The following PCDH15 variants were observed in gnomAD, a reference collection of about 807,000 sequenced individuals.
The protein encoded by PCDH15 is protocadherin-15.
PCDH15 carries 129 observed loss-of-function variants against 178.5 expected under a neutral mutation model. The ratio of observed to expected loss-of-function variants is 0.72; its 90% CI spans 0.63 to 0.84. The LOEUF (loss-of-function observed/expected upper bound fraction) is 0.84. Among genes scored for constraint, PCDH15 ranks in the 40% least tolerant of loss-of-function variants. PCDH15 has a pLI of 0.00. For synonymous variants in PCDH15, 800 were observed against 732.0 expected, an observed-to-expected ratio of 1.09 and a Z score of -1.50; for missense variants, 2,230 against 2,099.9, an observed-to-expected ratio of 1.06 and a Z score of -1.21.
chr10:53,878,423 AAT>A (rs555759219), intron 26 of PCDH15, among the ~76,000 whole-genome samples: 7 of 77,596 alleles, frequency 9.0e-5, no homozygotes, highest in South Asian at 5.0e-4. Flanking sequence ...ACACACGTTG[AAT>A]ATATATATAT....
chr10:55,233,820 T>C (rs1841297915), intron 1 of PCDH15, among the ~76,000 whole-genome samples: 3 of 152,080 alleles, frequency 2.0e-5, no homozygotes, highest in Non-Finnish European at 2.9e-5. Flanking sequence ...AGAAACAATA[T>C]ACTATAGTGC....
chr10:54,678,981 G>C (rs1185915130), intron 1 of PCDH15, among the ~76,000 whole-genome samples: 1 of 151,992 alleles, frequency 6.6e-6, no homozygotes, highest in East Asian at 1.9e-4. Context: ...ACGAGGTCAG[G>C]AGATCGAGAC....
chr10:54,937,432 TCTC>T (rs1440060951), intron 2 of PCDH15, among the ~76,000 whole-genome samples: 4 of 151,996 alleles, frequency 2.6e-5, no homozygotes, highest in African/African-American at 7.2e-5. Flanking sequence ...TGATATTAAA[TCTC>T]CTAATCCCTG....
chr10:54,279,883 T>C (rs769179633), intron 8 of PCDH15, among the ~76,000 whole-genome samples: 1 of 151,652 alleles, frequency 6.6e-6, no homozygotes, highest in African/African-American at 2.4e-5. Context: ...GGAGAAAAAA[T>C]AAATGTAGGA....
intron 3 of PCDH15, among the ~76,000 whole-genome samples, chr10:54,824,759 A>T (rs1953098329): frequency 1.3e-5 from 2 of 152,132 alleles, no homozygotes; most frequent in African/African-American, 4.8e-5. Flanking sequence ...ATGCATAGGG[A>T]GGAAATAGAC....
At position 53,822,076 on chromosome 10, in the gene PCDH15, T is replaced by C. The variant is rs2076305966; in HGVS notation, c.4368-1846A>G. On this transcript the variant is annotated intron_variant, in intron 32 of 37. Coordinates refer to ENST00000644397, the MANE Select transcript of PCDH15 (RefSeq NM_001384140.1). ...AGTTCTGCTAAGTTTTTAACGTGTCTGAGGATGCCTTTTGGTTCTCTCTGA... is the reference window on the plus strand; with the variant it reads ...AGTTCTGCTAAGTTTTTAACGTGTCCGAGGATGCCTTTTGGTTCTCTCTGA... The C allele has an allele frequency of 6.2e-7, 1 of 1,614,106 alleles. No individual in the cohort carries two copies. Among genetic ancestry groups the C allele is most frequent in the Non-Finnish European group, 8.5e-7 (1 of 1,179,962 alleles).
chr10:54,079,985 T>G (rs2135953252), intron 16 of PCDH15, among the ~76,000 whole-genome samples: 1 of 152,226 alleles, frequency 6.6e-6, no homozygotes, highest in South Asian at 2.1e-4. Flanking sequence ...TTACAGAAAT[T>G]ATGTTTTTTG....
At chr10:54,665,796 T>C (rs571232710) in intron 1 of PCDH15, among the ~76,000 whole-genome samples, 10 of 151,992 alleles carry the variant, frequency 6.6e-5, no homozygotes, top group Non-Finnish European at 1.2e-4. Context: ...GCAAAGTGCT[T>C]GGCGCGTGCA....
intron 21 of PCDH15, among the ~76,000 whole-genome samples, chr10:53,964,380 A>ATTTATAAATTTTTATTCATAAAATT (rs2088721421): frequency 8.5e-6 from 1 of 117,934 alleles, no homozygotes; most frequent in Non-Finnish European, 1.8e-5. Flanking sequence ...AAAAAAATTT[A>ATTTATAAATTTTTATTCATAAAATT]TTTATAAATT....
At chr10:54,080,352 T>C (rs929916784) in intron 16 of PCDH15, among the ~76,000 whole-genome samples, 1 of 152,164 alleles carries the variant, frequency 6.6e-6, no homozygotes, top group African/African-American at 2.4e-5. Flanking sequence ...ATTTATTTTA[T>C]AACAGTTTGG....
intron 23 of PCDH15, among the ~76,000 whole-genome samples, chr10:53,946,486 A>G (rs891975234): frequency 3.9e-5 from 6 of 152,186 alleles, no homozygotes; most frequent in Non-Finnish European, 8.8e-5. Context: ...ATCATACAGT[A>G]TGTAGTTTTT....
chr10:54,970,196 T>C lies in PCDH15; in HGVS notation c.-79-72696A>G, dbSNP rs1253810234. ...CACTGAACCTGCTAGTACCTTTATC[T>C]TGGATGTTCAGCCTCCAGAATTGTG... On this transcript the variant is annotated intron_variant, in intron 2 of 5. Coordinates refer to the PCDH15 transcript ENST00000458638. 1.3e-5 allele frequency among the ~76,000 whole-genome samples: 2 copies of C among 152,176 alleles called. 1 individual carries two copies. The highest frequency in any genetic ancestry group is 4.8e-5 in the African/African-American group (2 of 41,452).
At chr10:54,638,072 A>G (rs773451774) in intron 2 of PCDH15, among the ~76,000 whole-genome samples, 10 of 151,984 alleles carry the variant, frequency 6.6e-5, no homozygotes, top group Non-Finnish European at 1.3e-4. Context: ...TATGTCCTTC[A>G]TGGAAACAGG....
At chr10:55,409,700 C>T (rs1312281977) in intron 2 of PCDH15, among the ~76,000 whole-genome samples, 1 of 152,030 alleles carries the variant, frequency 6.6e-6, no homozygotes. Flanking sequence ...TAGCAAATAG[C>T]AGTTACAGAA....
chr10:54,824,317 A>G (rs1006527238), intron 3 of PCDH15, among the ~76,000 whole-genome samples: 1 of 152,180 alleles, frequency 6.6e-6, no homozygotes, highest in Admixed American at 6.6e-5. Flanking sequence ...CAGAAGTAAA[A>G]GTCCTTGTTT....
At chr10:54,104,848 A>C (rs1270282485) in intron 15 of PCDH15, among the ~76,000 whole-genome samples, 4 of 23,576 alleles carry the variant, frequency 1.7e-4, no homozygotes, top group South Asian at 8.3e-4. Context: ...ACAACAACAA[A>C]AAAAAAAAAA....
intron 1 of PCDH15, among the ~76,000 whole-genome samples, chr10:55,206,726 A>T (rs944250397): frequency 4.6e-5 from 7 of 152,146 alleles, no homozygotes; most frequent in African/African-American, 1.4e-4. Flanking sequence ...TACTTATATC[A>T]CATATTAAAT....
chr10:54,680,094 A>G (rs539703404), intron 1 of PCDH15, among the ~76,000 whole-genome samples: 5 of 152,204 alleles, frequency 3.3e-5, no homozygotes, highest in Non-Finnish European at 7.3e-5. Context: ...CATTTGTAAG[A>G]GGAGGTTAGG....
chr10:54,988,606 C>G (rs1051339785), intron 2 of PCDH15, among the ~76,000 whole-genome samples: 15 of 152,120 alleles, frequency 9.9e-5, no homozygotes, highest in African/African-American at 3.4e-4. Flanking sequence ...TTTGCCCCTG[C>G]CCTAGAGATT....
Sources: allele counts gnomAD v4.1 joint callset (sites outside exome capture counted in the v4.1 genomes callset), GRCh38; gene constraint gnomAD v4.1.1; transcripts MANE v1.5; gene names NCBI Gene and HGNC (gene_info 2026-07-23, HGNC 2026-07-21).